ATXN1: variants seen among roughly 807,000 people sequenced by gnomAD.
ATXN1 encodes ataxin 1, also known as ataxin-1.
Under a neutral mutation model 56.4 loss-of-function variants are expected in ATXN1, and 8 were observed. The ratio of observed to expected loss-of-function variants is 0.14; its 90% confidence interval spans 0.08 to 0.26. The LOEUF is 0.26. ATXN1 is among the 10% of genes least tolerant of loss of function. The pLI is 1.00. For missense variants in ATXN1, 987 were observed against 1,106.5 expected (o/e 0.89, Z 1.53); for synonymous variants, 514 against 494.6 (o/e 1.04, Z -0.52).
chr6:16,725,688 C>T (rs926898376), intron 2 of ATXN1, among the ~76,000 whole-genome samples: 3 of 152,224 alleles, frequency 2.0e-5, no homozygotes, highest in African/African-American at 7.2e-5. Context: ...CACATTCTCA[C>T]ATTCAACAAT....
At chr6:16,412,698 C>G (rs1161272576) in intron 6 of ATXN1, among the ~76,000 whole-genome samples, 1 of 152,110 alleles carries the variant, frequency 6.6e-6, no homozygotes, top group East Asian at 1.9e-4. Flanking sequence ...TTGAAGGGTA[C>G]GCAAAATCCA....
intron 7 of ATXN1, among the ~76,000 whole-genome samples, chr6:16,308,926 G>A (rs1283215993): frequency 2.0e-5 from 3 of 152,022 alleles, no homozygotes; most frequent in South Asian, 2.1e-4. Context: ...ACTAGAATCT[G>A]TTTTTAAAAG....
intron 4 of ATXN1, among the ~76,000 whole-genome samples, chr6:16,534,341 T>C (rs1761557147): frequency 6.6e-6 from 1 of 151,604 alleles, no homozygotes; most frequent in African/African-American, 2.4e-5. Flanking sequence ...GACAGTTTTG[T>C]TAGAGAATTC....
chr6:16,486,505 C>G (rs992859954), intron 5 of ATXN1, among the ~76,000 whole-genome samples: 1 of 152,216 alleles, frequency 6.6e-6, no homozygotes, highest in Admixed American at 6.5e-5. Flanking sequence ...ACACAGTTCC[C>G]GAGAAGAAAT....
intron 2 of ATXN1, among the ~76,000 whole-genome samples, chr6:16,712,715 C>CT (rs36016138): frequency 0.47 from 68,509 of 145,302 alleles, 16,034 homozygotes; most frequent in South Asian, 0.56. Flanking sequence ...TCCGTTTTTG[C>CT]TTTTTTTTTT....
At chr6:16,446,606 T>A (rs1288111892) in intron 6 of ATXN1, among the ~76,000 whole-genome samples, 2 of 152,244 alleles carry the variant, frequency 1.3e-5, no homozygotes, top group Admixed American at 1.3e-4. Flanking sequence ...TTTGCTTTAG[T>A]CATTTGCATG....
chr6:16,572,744 A>T (rs1762354801), intron 4 of ATXN1, among the ~76,000 whole-genome samples: 1 of 152,210 alleles, frequency 6.6e-6, no homozygotes, highest in Admixed American at 6.5e-5. Context: ...ATCTACGTTG[A>T]AAAGACATGG....
chr6:16,356,828 C>G (rs1221571966), intron 6 of ATXN1, among the ~76,000 whole-genome samples: 1 of 152,096 alleles, frequency 6.6e-6, no homozygotes, highest in African/African-American at 2.4e-5. Context: ...AGGCATTTGT[C>G]AAACATTTTT....
At chr6:16,628,039 A>T (rs996764950) in intron 3 of ATXN1, among the ~76,000 whole-genome samples, 1 of 152,236 alleles carries the variant, frequency 6.6e-6, no homozygotes, top group Admixed American at 6.5e-5. Flanking sequence ...TTCTCCTGCA[A>T]TATTAGCACT....
At chr6:16,613,340 T>C (rs1277836378) in intron 3 of ATXN1, among the ~76,000 whole-genome samples, 1 of 151,200 alleles carries the variant, frequency 6.6e-6, no homozygotes, top group Non-Finnish European at 1.5e-5. Context: ...GTCTATCTTA[T>C]TTTTGCATAT....
At chr6:16,727,390 T>C (rs918680813) in intron 2 of ATXN1, among the ~76,000 whole-genome samples, 10 of 152,164 alleles carry the variant, frequency 6.6e-5, no homozygotes, top group African/African-American at 2.4e-4. Context: ...TCAATTATTG[T>C]AACACACAAA....
chr6:16,484,947 A>G lies in ATXN1; in HGVS notation c.-161+1025T>C, dbSNP rs866042589. On this transcript the variant is annotated intron_variant, in intron 6 of 7. Coordinates refer to ENST00000436367, the MANE Select transcript of ATXN1 (RefSeq NM_001128164.2). ...TAAGAAGCTGGAAACCTAAATATAT[A>G]TGTGTGTGTGTGTGTGTGTGTGTGT... 2.2e-3 allele frequency among the ~76,000 whole-genome samples: 271 copies of G among 126,042 alleles called. 1 individual carries two copies. The highest frequency in any genetic ancestry group is 3.3e-3 in the African/African-American group (114 of 34,872). 82.7% of individuals were successfully genotyped at this position (126,042 alleles called of 152,430 possible).
chr6:16,585,186 G>A (rs777257933), intron 4 of ATXN1, among the ~76,000 whole-genome samples: 5 of 152,092 alleles, frequency 3.3e-5, no homozygotes, highest in Non-Finnish European at 4.4e-5. Flanking sequence ...GGTGGAAGCT[G>A]CAATGAGCCA....
intron 6 of ATXN1, among the ~76,000 whole-genome samples, chr6:16,334,069 G>A (rs1761056106): frequency 6.6e-6 from 1 of 152,192 alleles, no homozygotes; most frequent in Non-Finnish European, 1.5e-5. Context: ...TTCAATGTCA[G>A]TGTGAAGCAA....
intron 6 of ATXN1, among the ~76,000 whole-genome samples, chr6:16,358,624 C>T (rs1761741855): frequency 6.6e-6 from 1 of 152,240 alleles, no homozygotes; most frequent in Non-Finnish European, 1.5e-5. Flanking sequence ...GCTGCATACT[C>T]CATGGAGCTG....
chr6:16,614,139 AT>A (rs1763163035), intron 3 of ATXN1, among the ~76,000 whole-genome samples: 1 of 151,484 alleles, frequency 6.6e-6, no homozygotes, highest in East Asian at 1.9e-4. Flanking sequence ...AAGCTGCTAT[AT>A]GTCAGCTTGC....
intron 2 of ATXN1, among the ~76,000 whole-genome samples, chr6:16,703,543 C>G (rs1386555612): frequency 2.0e-5 from 3 of 152,090 alleles, no homozygotes; most frequent in African/African-American, 7.2e-5. Flanking sequence ...AGTATTGCAA[C>G]TAGGTTTGAA....
At chr6:16,504,811 T>C (rs1489224978) in intron 5 of ATXN1, among the ~76,000 whole-genome samples, 2 of 152,166 alleles carry the variant, frequency 1.3e-5, no homozygotes, top group Admixed American at 1.3e-4. Flanking sequence ...AGTGTTAAGC[T>C]GTTCCTGACG....
chr6:16,314,180 T>C lies in ATXN1; in HGVS notation c.1918-7321A>G, dbSNP rs933936899. Reference sequence around the variant, plus strand: ...TACTTTTTCCCCCTTGGGGTCTGAATGTATGAGAAGTAAAATAAGGTTTTT... The same window carrying C: ...TACTTTTTCCCCCTTGGGGTCTGAACGTATGAGAAGTAAAATAAGGTTTTT... On this transcript the variant is annotated intron_variant, in intron 7 of 7. Coordinates refer to ENST00000436367, the MANE Select transcript of ATXN1 (RefSeq NM_001128164.2). Among the ~76,000 whole-genome samples the C allele has an allele frequency of 2.7e-5, 4 of 150,876 alleles. No homozygotes were observed. In the East Asian group the frequency reaches 7.7e-4, roughly 29 times the overall value.
Sources: allele counts gnomAD v4.1 joint callset (sites outside exome capture counted in the v4.1 genomes callset), GRCh38; gene constraint gnomAD v4.1.1; transcripts MANE v1.5; gene names NCBI Gene and HGNC (gene_info 2026-07-23, HGNC 2026-07-21).